Variants in CKS1B observed in about 807,000 individuals in gnomAD.
The protein encoded by CKS1B is CDC28 protein kinase regulatory subunit 1B.
In CKS1B, 5 loss-of-function variants were observed where a neutral mutation model predicts 12.2. That is an observed-to-expected ratio of 0.41 (90% CI 0.21 to 0.86). The LOEUF is 0.86. Ranked by LOEUF, CKS1B falls within the 40% of genes least tolerant of loss-of-function variation. The probability of loss-of-function intolerance (pLI) is 0.32; values close to 1 mark genes in which losing one functional copy is unlikely to be tolerated. For synonymous variants in CKS1B, 24 were observed against 34.4 expected, an observed-to-expected ratio of 0.70 and a Z score of 1.06; for missense variants, 53 against 99.9, an observed-to-expected ratio of 0.53 and a Z score of 2.00.
chr1:154,974,930 T>A, intron 1 of CKS1B, 126 bp downstream of exon 1: 1 of 1,613,292 alleles, frequency 6.2e-7, no homozygotes, highest in Non-Finnish European at 8.5e-7. Context: ...CGGGCAATGG[T>A]GTGATATTGT....
chr1:154,976,741 C>T (rs1407099539), intron 1 of CKS1B, among the ~76,000 whole-genome samples: 1 of 152,164 alleles, frequency 6.6e-6, no homozygotes, highest in Non-Finnish European at 1.5e-5. Context: ...AGCCAAATTT[C>T]GTGCCAGGGT....
In CKS1B at chr1:154,974,745, C is replaced by G; in HGVS notation, c.-1C>G. On this transcript the variant is annotated 5_prime_UTR_variant, in exon 1 of 3. In the 5' UTR this introduces an upstream ATG that the reference lacks. Transcript: ENST00000308987. ...GCTGAAGGCTAGCAAACCGAGCGAT[C>G]ATGTCGCACAAACAAATTTACTATT... is the stretch of plus-strand genomic sequence containing the variant. 7 of 1,600,822 alleles carry G rather than the reference C, an allele frequency of 4.4e-6. No individual in the cohort carries two copies. The highest frequency in any genetic ancestry group is 6.0e-6 in the Non-Finnish European group (7 of 1,173,590).
chr1:154,975,808 C>G (rs553580628), intron 1 of CKS1B: 1 of 154,756 alleles, frequency 6.5e-6, no homozygotes. Flanking sequence ...AGCGTGATGT[C>G]TCTTTCACCA....
Position 154,978,739 on chromosome 1 carries a change from C to G in CKS1B, c.202C>G (p.Leu68Val), listed in dbSNP as rs778279576. 1 of 1,613,770 alleles carries G rather than the reference C, an allele frequency of 6.2e-7. No homozygotes were observed. The highest frequency in any genetic ancestry group is 2.2e-5 in the East Asian group (1 of 44,888). The change falls in exon 3 of 3, where the codon CTG (leucine) becomes GTG (valine). Residue 68 changes from leucine (L) to valine (V), a missense_variant. Coordinates refer to ENST00000308987, the MANE Select transcript of CKS1B (RefSeq NM_001826.3). Reference protein sequence around the residue: ...MIHEPEPHILLFRRPLPKKPK... With the variant: ...MIHEPEPHILVFRRPLPKKPK... ...CACTCTTTCAGAACCTCACATCTTG[C>G]TGTTCCGGCGCCCACTACCCAAGAA...
chr1:154,978,337 C>T (rs1332543680), intron 2 of CKS1B: 6 of 556,506 alleles, frequency 1.1e-5, no homozygotes, highest in Non-Finnish European at 1.9e-5. Context: ...TGTAATCTTT[C>T]ATTCAATCAG....
Position 154,978,951 on chromosome 1 carries a change from C to T in CKS1B, c.*174C>T, listed in dbSNP as rs577522716. 94 of 596,548 alleles carry T rather than the reference C, an allele frequency of 1.6e-4. No homozygotes were observed. The highest frequency in any genetic ancestry group is 9.1e-4 in the African/African-American group (49 of 53,790). The allele number at this position is 596,548 out of a possible 1,614,324, so 37.0% of individuals were successfully genotyped here. On this transcript the variant is annotated 3_prime_UTR_variant, in exon 3 of 3. Coordinates refer to ENST00000308987, the MANE Select transcript of CKS1B (RefSeq NM_001826.3). ...CTTTGCTTCTTGAGTAGAGCCACCA[C>T]CACCATAGCCCAGCCAGATGAGTGC...
chr1:154,974,902 A>T (rs1283677524), intron 1 of CKS1B, 98 bp downstream of exon 1: 3 of 1,614,048 alleles, frequency 1.9e-6, no homozygotes, highest in Non-Finnish European at 2.5e-6. Context: ...GAATTGGCGC[A>T]TGCGTACGAG....
At chr1:154,976,959 G>A (rs1042943110) in intron 1 of CKS1B, among the ~76,000 whole-genome samples, 4 of 152,022 alleles carry the variant, frequency 2.6e-5, no homozygotes, top group Middle Eastern at 3.2e-3. Flanking sequence ...AGAAAAGCAC[G>A]GAATTTACCC....
chr1:154,977,967 C>T lies in CKS1B; in HGVS notation c.60-20C>T, dbSNP rs777084456. Reference sequence around the variant, plus strand: ...ATCTGGTACTAACATAAATTCCCCACTTCCCCGTTTCTGTTACAGACATGT... The same window carrying T: ...ATCTGGTACTAACATAAATTCCCCATTTCCCCGTTTCTGTTACAGACATGT... On this transcript the variant is annotated intron_variant, in intron 1 of 2. Transcript: ENST00000308987. 2 of 1,609,420 alleles carry T rather than the reference C, an allele frequency of 1.2e-6. No individual in the cohort carries two copies. Among genetic ancestry groups the T allele is most frequent in the Non-Finnish European group, 1.7e-6 (2 of 1,177,950 alleles).
rs553810475 is a variant in CKS1B at position 154,974,700 on chromosome 1, T to G, written c.-46T>G. 5.1e-6 allele frequency: 8 copies of G among 1,557,436 alleles called. No individual in the cohort carries two copies. The highest frequency in any genetic ancestry group is 1.2e-5 in the South Asian group (1 of 85,000). ...GGGAGCGCGTGCTGTTGGGAGTTGC[T>G]TGGAGGTTGGCGGCGCGGGGCTGAA... On this transcript the variant is annotated 5_prime_UTR_variant, in exon 1 of 3. Transcript: ENST00000308987.
chr1:154,974,687 T>C lies in CKS1B; in HGVS notation c.-59T>C, dbSNP rs1657082107. On this transcript the variant is annotated 5_prime_UTR_variant, in exon 1 of 3. Transcript: ENST00000308987. Reference sequence around the variant, plus strand: ...GGCCAAAGTGGGTGGGAGCGCGTGCTGTTGGGAGTTGCTTGGAGGTTGGCG... The same window carrying C: ...GGCCAAAGTGGGTGGGAGCGCGTGCCGTTGGGAGTTGCTTGGAGGTTGGCG... 1 of 1,548,792 alleles carries C rather than the reference T, an allele frequency of 6.5e-7. No individual in the cohort carries two copies. The highest frequency in any genetic ancestry group is 1.4e-5 in the African/African-American group (1 of 73,190).
chr1:154,974,920 CG>C, intron 1 of CKS1B, 116 bp downstream of exon 1: 1 of 1,613,626 alleles, frequency 6.2e-7, no homozygotes, highest in South Asian at 1.1e-5. Context: ...GAGGTGCGAA[CG>C]GGCAATGGTG....
chr1:154,976,904 C>T (rs771600017), intron 1 of CKS1B, among the ~76,000 whole-genome samples: 16 of 152,104 alleles, frequency 1.1e-4, no homozygotes, highest in Non-Finnish European at 1.8e-4. Context: ...TGATTCACAT[C>T]AGGGTAATAA....
In CKS1B at chr1:154,974,715, G is replaced by T. The variant is rs772960083; in HGVS notation, c.-31G>T. The T allele has an allele frequency of 3.2e-6, 5 of 1,566,316 alleles. No homozygotes were observed. Among genetic ancestry groups the T allele is most frequent in the Non-Finnish European group, 4.3e-6 (5 of 1,155,528 alleles). The stretch of plus-strand genomic sequence containing the variant: ...TGGGAGTTGCTTGGAGGTTGGCGGC[G>T]CGGGGCTGAAGGCTAGCAAACCGAG... On this transcript the variant is annotated 5_prime_UTR_variant, in exon 1 of 3. Coordinates refer to ENST00000308987, the MANE Select transcript of CKS1B (RefSeq NM_001826.3).
chr1:154,974,690 T>C lies in CKS1B; in HGVS notation c.-56T>C. On this transcript the variant is annotated 5_prime_UTR_variant, in exon 1 of 3. Transcript: ENST00000308987. ...CAAAGTGGGTGGGAGCGCGTGCTGTTGGGAGTTGCTTGGAGGTTGGCGGCG... is the reference window on the plus strand; with the variant it reads ...CAAAGTGGGTGGGAGCGCGTGCTGTCGGGAGTTGCTTGGAGGTTGGCGGCG... 6.4e-7 allele frequency: 1 copy of C among 1,551,816 alleles called. No individual in the cohort carries two copies. The highest frequency in any genetic ancestry group is 8.7e-7 in the Non-Finnish European group (1 of 1,146,720).
chr1:154,975,019 T>C, intron 1 of CKS1B: 1 of 1,303,978 alleles, frequency 7.7e-7, no homozygotes, highest in Non-Finnish European at 1.1e-6. Flanking sequence ...CGCCTCTCAG[T>C]AGAGAGGAGA....
chr1:154,974,863 A>G (rs750521815), intron 1 of CKS1B, 59 bp downstream of exon 1: 2 of 1,614,064 alleles, frequency 1.2e-6, no homozygotes, highest in Non-Finnish European at 1.7e-6. Context: ...TGAGGGCACA[A>G]GGAATTAGTA....
intron 2 of CKS1B, 114 bp downstream of exon 2, chr1:154,978,228 C>G: frequency 8.9e-7 from 1 of 1,127,624 alleles, no homozygotes; most frequent in Non-Finnish European, 1.2e-6. Flanking sequence ...TTCCTTCCCC[C>G]TCCAGTCGTG....
Position 154,977,934 on chromosome 1 carries a change from G to C in CKS1B, c.60-53G>C, listed in dbSNP as rs1038313192. 7.7e-6 allele frequency: 12 copies of C among 1,556,526 alleles called. No homozygotes were observed. In the South Asian group the frequency reaches 1.4e-4, roughly 19 times the overall value. On this transcript the variant is annotated intron_variant, in intron 1 of 2. Transcript: ENST00000308987. ...GCCTTGTAAACAGGCATTTGTCTAA[G>C]AGACTGTATCTGGTACTAACATAAA...
Sources: gnomAD v4.1 joint callset for allele counts (sites outside exome capture counted in the v4.1 genomes callset) on GRCh38, gnomAD v4.1.1 for gene constraint, MANE v1.5 for transcripts, NCBI Gene and HGNC (gene_info 2026-07-23, HGNC 2026-07-21) for gene names.